KMT2B: variants seen among roughly 807,000 people sequenced by gnomAD.
KMT2B encodes histone-lysine N-methyltransferase 2B.
Under a neutral mutation model 255.3 loss-of-function variants are expected in KMT2B, and 22 were observed. The ratio of observed to expected loss-of-function variants is 0.09; its 90% CI spans 0.06 to 0.12. The LOEUF (loss-of-function observed/expected upper bound fraction) is 0.12, where lower values mean the gene tolerates loss of function less well. KMT2B is among the 10% of genes least tolerant of loss of function. The pLI is 1.00. For synonymous variants in KMT2B, 1,730 were observed against 1,498.1 expected (o/e 1.15, Z -3.57); for missense variants, 3,149 against 3,737.0 (o/e 0.84, Z 4.10).
chr19:35,721,050 C>T lies in KMT2B; in HGVS notation c.1703C>T (p.Thr568Ile), dbSNP rs1242797965. 16 of 1,609,542 alleles carry T rather than the reference C, an allele frequency of 9.9e-6. No homozygotes were observed. The highest frequency in any genetic ancestry group is 1.3e-5 in the Non-Finnish European group (15 of 1,178,452). Residue 568 changes from threonine (T) to isoleucine (I), a missense_variant, in exon 3 of 37, where the codon ACC becomes ATC. Physicochemically the swap from Thr to Ile is moderately conservative, Grantham distance 89 (BLOSUM62 -1). Around this residue, in one of 18 missense-constraint regions of KMT2B, gnomAD observed 1,188 missense variants for 1,106.4 expected, o/e 1.07. Transcript: ENST00000420124. ...EVSPVLRPPITTSPPVPQEPA... is the reference protein window; with the variant it reads ...EVSPVLRPPIITSPPVPQEPA... Reference sequence around the variant, plus strand: ...TCACCTGTCCTGCGACCTCCCATTACCACCTCCCCACCTGTTCCCCAGGAG... The same window carrying T: ...TCACCTGTCCTGCGACCTCCCATTATCACCTCCCCACCTGTTCCCCAGGAG...
At position 35,731,936 on chromosome 19, in the gene KMT2B, G is replaced by T. The variant is rs1167511633; in HGVS notation, c.5466G>T (p.Leu1822=). ...SEPPGGEDPP[L]DTDVLVPGAP... ...CCCCAGGTGGTGAGGACCCCCCACT[G>T]GACACAGATGTTCTTGTCCCTGGAG... Residue 1822 remains leucine (L), a synonymous_variant, in exon 27 of 37, where the codon CTG becomes CTT. Coordinates refer to ENST00000420124, the MANE Select transcript of KMT2B (RefSeq NM_014727.3). 1 of 1,613,610 alleles carries T rather than the reference G, an allele frequency of 6.2e-7. No individual in the cohort carries two copies. Among genetic ancestry groups the T allele is most frequent in the East Asian group, 2.2e-5 (1 of 44,888 alleles).
intron 8 of KMT2B, 97 bp downstream of exon 8, chr19:35,724,104 T>A: frequency 8.2e-7 from 1 of 1,226,476 alleles, no homozygotes; most frequent in Non-Finnish European, 1.1e-6. Flanking sequence ...GCTCTGTCAG[T>A]CTGATAGAGA....
At position 35,719,522 on chromosome 19, in the gene KMT2B, T is replaced by C. The variant is rs1211042311; in HGVS notation, c.417T>C (p.Ser139=). 1.3e-6 allele frequency: 2 copies of C among 1,591,572 alleles called. No homozygotes were observed. Among genetic ancestry groups the C allele is most frequent in the African/African-American group, 1.3e-5 (1 of 74,428 alleles). Residue 139 remains serine, a synonymous_variant, in exon 2 of 37, where the codon TCT becomes TCC. Transcript: ENST00000420124. ...DEDVAPSSLR[S]ALRSQRGRAP... The stretch of plus-strand genomic sequence containing the variant: ...ATGTGGCCCCCAGTTCCCTGCGCTC[T>C]GCGCTCCGATCCCAGCGAGGTGAGT...
chr19:35,732,224 C>T lies in KMT2B; in HGVS notation c.5675C>T (p.Ser1892Phe). ...FGPLPSPGSP[S>F]SLTHHIPTVG... ...AACCCTCCCCCCACAGGAAGTCCAT[C>T]TTCACTGACCCACCACATCCCCACA... The change falls in exon 28 of 37, where the codon TCT becomes TTT. Residue 1892 changes from serine (S) to phenylalanine (F), a missense_variant. Physicochemically the swap from Ser to Phe is radical, Grantham distance 155. Coordinates refer to ENST00000420124, the MANE Select transcript of KMT2B (RefSeq NM_014727.3). The T allele has an allele frequency of 6.3e-7, 1 of 1,595,912 alleles. No homozygotes were observed. The highest frequency in any genetic ancestry group is 2.3e-5 in the East Asian group (1 of 44,062).
In KMT2B at chr19:35,737,887, G is replaced by C; in HGVS notation, c.7687G>C (p.Ala2563Pro). The change falls in exon 35 of 37, where the codon GCC (alanine) becomes CCC (proline). Residue 2563 changes from alanine to proline, a missense_variant. By Grantham distance (27) the Ala-to-Pro change is conservative. Transcript: ENST00000420124. The surrounding 1 kb of genome is among the most constrained non-coding windows in gnomAD (Gnocchi z 5.3). ...RRATSLELPM[A>P]MRFRHLKKTS... ...TGCCACCAGCCTGGAGCTGCCCATG[G>C]CCATGCGTTTTCGTCACCTTAAGAA... The C allele has an allele frequency of 6.3e-7, 1 of 1,581,100 alleles. No individual in the cohort carries two copies.
At position 35,725,828 on chromosome 19, in the gene KMT2B, G is replaced by A. The variant is rs1471930481; in HGVS notation, c.3885+10G>A. 1 of 1,558,640 alleles carries A rather than the reference G, an allele frequency of 6.4e-7. No homozygotes were observed. The highest frequency in any genetic ancestry group is 8.7e-7 in the Non-Finnish European group (1 of 1,150,252). On this transcript the variant is annotated intron_variant, in intron 13 of 36. Transcript: ENST00000420124. This position sits in a 1 kb window ranked among gnomAD's most constrained non-coding sequence, Gnocchi z 4.1. ...CAAACGGCGCCACTGGGTGAGAGAT[G>A]AGGTTCACCCACTTGCTTTGTCTCT...
chr19:35,730,266 C>T (rs529759031), intron 23 of KMT2B, 76 bp from the exon 24 acceptor site: 3 of 1,602,300 alleles, frequency 1.9e-6, no homozygotes, highest in Non-Finnish European at 2.6e-6. Context: ...AGGCCAAGCC[C>T]CTGACTGTTC....
In KMT2B at chr19:35,727,408, A is replaced by G. The variant is rs778692872; in HGVS notation, c.4118-30A>G. 4 of 1,612,006 alleles carry G rather than the reference A, an allele frequency of 2.5e-6. No individual in the cohort carries two copies. Among genetic ancestry groups the G allele is most frequent in the Non-Finnish European group, 3.4e-6 (4 of 1,178,948 alleles). ...GGGAGCCCTCACATCCTCTGAAACC[A>G]CTTTTCCCTTTCCCACTTGGCTATC... On this transcript the variant is annotated intron_variant, in intron 15 of 36. Transcript: ENST00000420124. This position sits in a 1 kb window ranked among gnomAD's most constrained non-coding sequence, Gnocchi z 4.2.
chr19:35,733,797 C>T lies in KMT2B; in HGVS notation c.7084C>T (p.Pro2362Ser). The T allele has an allele frequency of 6.2e-7, 1 of 1,613,756 alleles. No homozygotes were observed. The highest frequency in any genetic ancestry group is 8.5e-7 in the Non-Finnish European group (1 of 1,179,744). ...GGAACGGTCCCCTTTGCTGCCACTTCCGGAAGATGGTCCTCCCCAGGTCCC... is the reference window on the plus strand; with the variant it reads ...GGAACGGTCCCCTTTGCTGCCACTTTCGGAAGATGGTCCTCCCCAGGTCCC... ...LQERSPLLPLPEDGPPQVPDG... is the reference protein window; with the variant it reads ...LQERSPLLPLSEDGPPQVPDG... The change falls in exon 30 of 37, where the codon CCG (proline) becomes TCG (serine). Residue 2362 changes from proline (P) to serine (S), a missense_variant. By Grantham distance (74) the Pro-to-Ser change is moderately conservative. This residue lies in a region of KMT2B where 897 missense variants were observed against 825.3 expected (regional missense o/e 1.09). Coordinates refer to ENST00000420124, the MANE Select transcript of KMT2B (RefSeq NM_014727.3). This position sits in a 1 kb window ranked among gnomAD's most constrained non-coding sequence, Gnocchi z 4.3.
rs745431166 is a variant in KMT2B, at chr19:35,725,595, C to A, written c.3759C>A (p.His1253Gln). The stretch of plus-strand genomic sequence containing the variant: ...GCTGCCGTCGCTGCAAATTCTGCCA[C>A]GTCTGTGGACGCAAAGGTCGTGGAT... ...TWCCRRCKFC[H>Q]VCGRKGRGSK... is the part of the protein sequence containing the mutation. Residue 1253 changes from histidine to glutamine, a missense_variant, in exon 12 of 37, where the codon CAC becomes CAA. Transcript: ENST00000420124. This position sits in a 1 kb window ranked among gnomAD's most constrained non-coding sequence, Gnocchi z 4.1. 1 of 1,610,346 alleles carries A rather than the reference C, an allele frequency of 6.2e-7. No individual in the cohort carries two copies. The highest frequency in any genetic ancestry group is 2.2e-5 in the East Asian group (1 of 44,894).
rs542151633 is a variant in KMT2B, at chr19:35,738,240, CGCGGGGACAGA to C, written c.7873-39_7873-29del. 10,128 of 1,613,328 alleles carry C rather than the reference CGCGGGGACAGA, an allele frequency of 6.3e-3. 42 individuals are homozygous for C. The highest frequency in any genetic ancestry group is 7.6e-3 in the Non-Finnish European group (8,998 of 1,179,486). ...AGACAGTGGGTGAAGCGAGCCTGTC[CGCGGGGACAGA>C]GCACCTGATCTCCCCACCTCATCCC... On this transcript the variant is annotated intron_variant, in intron 36 of 36. Coordinates refer to ENST00000420124, the MANE Select transcript of KMT2B (RefSeq NM_014727.3). This position sits in a 1 kb window ranked among gnomAD's most constrained non-coding sequence, Gnocchi z 8.7.
At position 35,737,448 on chromosome 19, in the gene KMT2B, G is replaced by A. The variant is rs1385253794; in HGVS notation, c.7550+185G>A. ...TGTAATCCCGCCACTTTGGGAGGCC[G>A]AGGCAGGAGGATCGCATGAGCCCAG... On this transcript the variant is annotated intron_variant, in intron 33 of 36. Transcript: ENST00000420124. This position sits in a 1 kb window ranked among gnomAD's most constrained non-coding sequence, Gnocchi z 5.3. The A allele has an allele frequency of 2.3e-5, 18 of 788,874 alleles. No individual in the cohort carries two copies. The highest frequency in any genetic ancestry group is 3.8e-4 in the Middle Eastern group (1 of 2,664). The allele number at this position is 788,874 out of a possible 1,614,324, so 48.9% of individuals were successfully genotyped here. A position where few individuals can be genotyped will look rare whatever the true frequency, so the allele number is the denominator to read the frequency against.
Position 35,737,958 on chromosome 19 carries a change from G to T in KMT2B, c.7742+16G>T, listed in dbSNP as rs1229135942. ...GTGTCTACAGGTGAGTGGGGTTGGG[G>T]GGGAGGATGCCCCTTGGGTGGACGG... On this transcript the variant is annotated intron_variant, in intron 35 of 36. Coordinates refer to ENST00000420124, the MANE Select transcript of KMT2B (RefSeq NM_014727.3). This position sits in a 1 kb window ranked among gnomAD's most constrained non-coding sequence, Gnocchi z 5.3. The T allele has an allele frequency of 6.2e-7, 1 of 1,604,526 alleles. No individual in the cohort carries two copies. Among genetic ancestry groups the T allele is most frequent in the East Asian group, 2.2e-5 (1 of 44,570 alleles).
rs774886299 is a variant in KMT2B, at chr19:35,737,759, T to TG, written c.7658+22dup. 153 of 1,561,248 alleles carry TG rather than the reference T, an allele frequency of 9.8e-5. No individual in the cohort carries two copies. In the African/African-American group the frequency reaches 2.0e-3, roughly 20 times the overall value. On this transcript the variant is annotated intron_variant, in intron 34 of 36. Coordinates refer to ENST00000420124, the MANE Select transcript of KMT2B (RefSeq NM_014727.3). This position sits in a 1 kb window ranked among gnomAD's most constrained non-coding sequence, Gnocchi z 5.3. ...GGTCAACCAGGTATGGAGTGTGAGC[T>TG]GGGGGGCGGGTGGTGGTCTGGAAGG...
Position 35,732,425 on chromosome 19 carries a change from C to T in KMT2B, c.5876C>T (p.Ala1959Val), listed in dbSNP as rs759709415. 5.6e-6 allele frequency: 9 copies of T among 1,613,506 alleles called. No homozygotes were observed. The highest frequency in any genetic ancestry group is 6.8e-6 in the Non-Finnish European group (8 of 1,179,658). The change falls in exon 28 of 37, where the codon GCT (alanine) becomes GTT (valine). Residue 1959 changes from alanine to valine, a missense_variant. Ala to Val is a moderately conservative substitution (Grantham distance 64, BLOSUM62 0). This residue lies in a region of KMT2B where 897 missense variants were observed against 825.3 expected (regional missense o/e 1.09). Transcript: ENST00000420124. The part of the protein sequence containing the change: ...TALTPTSGEL[A>V]PPGPAPSPPP... ...CTCACACCTACCTCAGGGGAGCTGG[C>T]TCCCCCTGGCCCGGCCCCATCTCCA...
chr19:35,719,715 C>G (rs1405938519), intron 2 of KMT2B, 69 bp from the exon 3 acceptor site: 3 of 1,533,662 alleles, frequency 2.0e-6, no homozygotes, highest in Non-Finnish European at 2.6e-6. Flanking sequence ...AGTCCCTGCC[C>G]TCCTGGAGCG....
At position 35,733,979 on chromosome 19, in the gene KMT2B, G is replaced by C; in HGVS notation, c.7159+107G>C. The C allele has an allele frequency of 1.3e-6, 1 of 764,770 alleles. No individual in the cohort carries two copies. Among genetic ancestry groups the C allele is most frequent in the East Asian group, 2.7e-5 (1 of 37,428 alleles). The allele number at this position is 764,770 out of a possible 1,614,324, so 47.4% of individuals were successfully genotyped here. A position where few individuals can be genotyped will look rare whatever the true frequency, so the allele number is the denominator to read the frequency against. ...TCAAAACCAGTATCTACTCCCAGGG[G>C]CCAAGCCTGAGGCTCGGTGCTAGAG... On this transcript the variant is annotated intron_variant, in intron 30 of 36. Transcript: ENST00000420124. The surrounding 1 kb of genome is among the most constrained non-coding windows in gnomAD (Gnocchi z 4.3).
chr19:35,730,771 C>G lies in KMT2B; in HGVS notation c.5341C>G (p.Leu1781Val), dbSNP rs1969659027. 1 of 1,613,864 alleles carries G rather than the reference C, an allele frequency of 6.2e-7. No individual in the cohort carries two copies. The highest frequency in any genetic ancestry group is 8.5e-7 in the Non-Finnish European group (1 of 1,179,894). The change falls in exon 26 of 37, where the codon CTG (leucine) becomes GTG (valine). Residue 1781 changes from leucine to valine, a missense_variant. Coordinates refer to ENST00000420124, the MANE Select transcript of KMT2B (RefSeq NM_014727.3). ...RRRCWYRCRI[L>V]EYRPWGPREE... ...GCGCTGCTGGTATCGGTGCCGAATT[C>G]TGGAGTATCGGCCATGGGGGCCGAG...
chr19:35,731,822 G>A, intron 26 of KMT2B, 86 bp from the exon 27 acceptor site: 1 of 1,028,468 alleles, frequency 9.7e-7, no homozygotes, highest in Admixed American at 1.9e-5. Context: ...GGGGACCTGG[G>A]AGGCATAGTG....
Sources: allele counts gnomAD v4.1 joint callset, GRCh38; gene constraint gnomAD v4.1.1; regional missense constraint gnomAD v4.1.1; non-coding constraint Gnocchi (gnomAD v3.1); transcripts MANE v1.5; gene names NCBI Gene and HGNC (gene_info 2026-07-23, HGNC 2026-07-21).